The following TGM7 variants were observed in gnomAD, a reference collection of about 807,000 sequenced individuals.
TGM7 encodes the protein transglutaminase 7.
A neutral mutation model predicts 79.5 loss-of-function variants in TGM7; 74 were observed. That is an observed-to-expected ratio of 0.93 (90% CI 0.77 to 1.13). TGM7 has a LOEUF of 1.13. Among genes scored for constraint, TGM7 ranks in the 50% most tolerant of loss-of-function variants. The pLI is 0.00. For missense variants in TGM7, 912 were observed against 905.9 expected (o/e 1.01, Z -0.09); for synonymous variants, 354 against 362.5 (o/e 0.98, Z 0.27).
At chr15:43,282,153 A>T in intron 8 of TGM7, 67 bp from the exon 9 acceptor site, 1 of 1,590,730 alleles carries the variant, frequency 6.3e-7, no homozygotes, top group African/African-American at 1.3e-5. Context: ...GGAGGTGGAG[A>T]TGGGATAGGC....
chr15:43,290,628 G>A (rs1376587610), intron 4 of TGM7, among the ~76,000 whole-genome samples: 3 of 152,156 alleles, frequency 2.0e-5, no homozygotes, highest in Admixed American at 6.5e-5. Context: ...TGATGGGGAT[G>A]GCATTGAATC....
chr15:43,280,657 T>C (rs1168880605), intron 9 of TGM7, among the ~76,000 whole-genome samples: 1 of 151,808 alleles, frequency 6.6e-6, no homozygotes, highest in East Asian at 1.9e-4. Context: ...CTCTTGCCCA[T>C]GGGGGCTACT....
intron 7 of TGM7, among the ~76,000 whole-genome samples, chr15:43,283,981 G>C (rs561659217): frequency 6.6e-6 from 1 of 152,336 alleles, no homozygotes; most frequent in Non-Finnish European, 1.5e-5. Flanking sequence ...GCCGAGGCGA[G>C]TGGATCATCT....
At chr15:43,283,326 A>G (rs1196795458) in intron 7 of TGM7, among the ~76,000 whole-genome samples, 1 of 152,206 alleles carries the variant, frequency 6.6e-6, no homozygotes, top group Non-Finnish European at 1.5e-5. Context: ...TGTTTAGAGC[A>G]TTCTTCTCCC....
chr15:43,291,393 C>G (rs895521582), intron 4 of TGM7, among the ~76,000 whole-genome samples: 10 of 152,056 alleles, frequency 6.6e-5, no homozygotes, highest in Non-Finnish European at 1.3e-4. Flanking sequence ...TGAAGCAGGT[C>G]TCTGTCTTAA....
intron 11 of TGM7, 35 bp from the exon 12 acceptor site, chr15:43,277,030 C>G (rs1394663867): frequency 6.2e-7 from 1 of 1,609,244 alleles, no homozygotes; most frequent in South Asian, 1.1e-5. Context: ...CCATGGGCAA[C>G]TGGCCTCGCT....
rs1035549368 is a variant in TGM7 at position 43,276,977 on chromosome 15, C to T, written c.1858G>A (p.Val620Met). 11 of 1,613,950 alleles carry T rather than the reference C, an allele frequency of 6.8e-6. No individual in the cohort carries two copies. Among genetic ancestry groups the T allele is most frequent in the Non-Finnish European group, 8.5e-6 (10 of 1,180,006 alleles). The part of the protein sequence containing the change: ...LSIEVSERAE[V>M]GKALRVHVTL... ...ACATGGACTCTCAGCGCCTTGCCCA[C>T]CTCAGCCCTCTCAGACACCTGTGTG... Residue 620 changes from valine to methionine, a missense_variant, in exon 12 of 13, where the codon GTG becomes ATG. Transcript: ENST00000452443.
In TGM7 at chr15:43,279,984, G is replaced by A. The variant is rs1228245442; in HGVS notation, c.1352-33C>T. Reference sequence around the variant, plus strand: ...AGGGAGAGGTAGGAGAGACATGCATGGGGAGGGGTGGAGAGGACCAGTGAC... The same window carrying A: ...AGGGAGAGGTAGGAGAGACATGCATAGGGAGGGGTGGAGAGGACCAGTGAC... On this transcript the variant is annotated intron_variant, in intron 9 of 12. Transcript: ENST00000452443. The A allele has an allele frequency of 3.1e-6, 5 of 1,593,570 alleles. No homozygotes were observed. In the Admixed American group the frequency reaches 6.8e-5, roughly 22 times the overall value.
chr15:43,291,724 TGTA>T (rs2042964157), intron 4 of TGM7, among the ~76,000 whole-genome samples: 1 of 152,220 alleles, frequency 6.6e-6, no homozygotes, highest in Admixed American at 6.5e-5. Flanking sequence ...GGAGATCTAT[TGTA>T]GTAGCCTGTC....
At chr15:43,302,154 G>A (rs748480863) in intron 1 of TGM7, 87 bp downstream of exon 1, 111 of 1,511,800 alleles carry the variant, frequency 7.3e-5, no homozygotes, top group Non-Finnish European at 9.0e-5. Context: ...CTCTCCTGTC[G>A]CTTCCCTACA....
chr15:43,299,243 G>A lies in TGM7; in HGVS notation c.10+2998C>T, dbSNP rs142749520. Reference sequence around the variant, plus strand: ...GAGCAGGAGTGGCAGGATCAAAGCTGAACTTTAGGATTAATTCGACTGTGG... The same window carrying A: ...GAGCAGGAGTGGCAGGATCAAAGCTAAACTTTAGGATTAATTCGACTGTGG... On this transcript the variant is annotated intron_variant, in intron 1 of 12. Transcript: ENST00000452443. Among the ~76,000 whole-genome samples the A allele has an allele frequency of 7.5e-4, 114 of 152,244 alleles. No individual in the cohort carries two copies. In the East Asian group the frequency reaches 0.021, roughly 29 times the overall value.
chr15:43,287,695 A>G, intron 4 of TGM7, 26 bp from the exon 5 acceptor site: 1 of 1,597,664 alleles, frequency 6.3e-7, no homozygotes. Flanking sequence ...AAGGGAGAAA[A>G]AAGAGAAGAG....
In TGM7 at chr15:43,293,584, T is replaced by C. The variant is rs1737901422; in HGVS notation, c.58A>G (p.Asn20Asp). 1.2e-6 allele frequency: 2 copies of C among 1,610,612 alleles called. No homozygotes were observed. The highest frequency in any genetic ancestry group is 1.7e-6 in the Non-Finnish European group (2 of 1,179,512). The change falls in exon 2 of 13, where the codon AAC becomes GAC. Residue 20 changes from asparagine (N) to aspartate (D), a missense_variant. Asn to Asp is a conservative substitution (Grantham distance 23, BLOSUM62 1). Transcript: ENST00000452443. Reference sequence around the variant, plus strand: ...ATCTCCTGCGTGTGGTGCTCCTTGTTGTTCCTGGAGCTCTGCAGGTCGACA... The same window carrying C: ...ATCTCCTGCGTGTGGTGCTCCTTGTCGTTCCTGGAGCTCTGCAGGTCGACA... ...ESVDLQSSRN[N>D]KEHHTQEMGV...
At chr15:43,287,136 T>A in intron 6 of TGM7, 144 bp downstream of exon 6, 2 of 868,754 alleles carry the variant, frequency 2.3e-6, no homozygotes, top group Non-Finnish European at 1.8e-6. Context: ...CCCTCGAGAC[T>A]GTATGGTGTG....
At chr15:43,280,521 G>A (rs1187459750) in intron 9 of TGM7, among the ~76,000 whole-genome samples, 1 of 152,128 alleles carries the variant, frequency 6.6e-6, no homozygotes, top group Non-Finnish European at 1.5e-5. Flanking sequence ...TATTCAGGAG[G>A]GTGAGGCAGG....
In TGM7 at chr15:43,287,446, G is replaced by A. The variant is rs35228126; in HGVS notation, c.699C>T (p.Asn233=). Residue 233 remains asparagine (N), a synonymous_variant, in exon 6 of 13, where the codon AAC becomes AAT. Transcript: ENST00000452443. ...CRVVSAMINS[N]DDNGVLQGNW... is the part of the protein sequence containing the mutation. ...TCCCCTGCAGCACGCCATTGTCATC[G>A]TTGCTGTTGATCTGCAGAGGACAGA... The A allele has an allele frequency of 1.0e-4, 163 of 1,613,938 alleles. 1 individual carries two copies. In the African/African-American group the frequency reaches 2.0e-3, roughly 19 times the overall value.
intron 8 of TGM7, 99 bp downstream of exon 8, chr15:43,282,417 GT>G (rs563655753): frequency 1.8e-5 from 19 of 1,042,656 alleles, no homozygotes; most frequent in Non-Finnish European, 2.7e-5. Flanking sequence ...AGAGGGTGCC[GT>G]GGAAAACGCT....
In TGM7 at chr15:43,283,974, G is replaced by A. The variant is rs570382922; in HGVS notation, c.1004+840C>T. On this transcript the variant is annotated intron_variant, in intron 7 of 12. Coordinates refer to ENST00000452443, the MANE Select transcript of TGM7 (RefSeq NM_052955.3). ...TGTAATCCCAGCACTTTGGGAGGCC[G>A]AGGCGAGTGGATCATCTGAGGTCAA... Among the ~76,000 whole-genome samples, 72 of 152,328 alleles carry A rather than the reference G, an allele frequency of 4.7e-4. 2 individuals carry two copies. In the South Asian group the frequency reaches 7.2e-3, roughly 15 times the overall value.
chr15:43,301,069 C>G (rs935419695), intron 1 of TGM7, among the ~76,000 whole-genome samples: 1 of 151,870 alleles, frequency 6.6e-6, no homozygotes, highest in African/African-American at 2.4e-5. Flanking sequence ...GCAGCTTTGA[C>G]CCCCCCAGGC....
Sources: allele counts gnomAD v4.1 joint callset (sites outside exome capture counted in the v4.1 genomes callset), GRCh38; gene constraint gnomAD v4.1.1; transcripts MANE v1.5; gene names NCBI Gene and HGNC (gene_info 2026-07-23, HGNC 2026-07-21).